Variants in PNPLA7 observed in about 807,000 individuals in gnomAD.
The protein encoded by PNPLA7 is patatin like domain 7, lysophospholipase.
In PNPLA7, 153 loss-of-function variants were observed where a neutral mutation model predicts 161.7. The ratio of observed to expected loss-of-function variants is 0.95; its 90% CI spans 0.83 to 1.08. The LOEUF (loss-of-function observed/expected upper bound fraction) is 1.08, where lower values mean the gene tolerates loss of function less well. Among genes scored for constraint, PNPLA7 ranks in the 50% least tolerant of loss-of-function variants. The pLI, the probability that PNPLA7 is intolerant of heterozygous loss-of-function variation, is 0.00. For synonymous variants in PNPLA7, 809 were observed against 782.1 expected (o/e 1.03, Z -0.57); for missense variants, 1,739 against 1,856.6 (o/e 0.94, Z 1.16).
chr9:137,478,021 CG>C lies in PNPLA7; in HGVS notation c.2882+12del. ...ACACCAGTGAGGAGTGTGTAGGAAG[CG>C]GGGGGACTCACCTTGCTCCCCCTCC... is the stretch of plus-strand genomic sequence containing the variant. On this transcript the variant is annotated intron_variant, in intron 25 of 34. Transcript: ENST00000406427. 7.8e-6 allele frequency: 11 copies of C among 1,410,798 alleles called. No homozygotes were observed. The highest frequency in any genetic ancestry group is 3.3e-5 in the South Asian group (2 of 60,530). 87.4% of individuals were successfully genotyped at this position (1,410,798 alleles called of 1,614,324 possible). A position where few individuals can be genotyped will look rare whatever the true frequency, so the allele number is the denominator to read the frequency against.
At chr9:137,509,971 AAC>A (rs1016607046) in intron 12 of PNPLA7, among the ~76,000 whole-genome samples, 1 of 152,214 alleles carries the variant, frequency 6.6e-6, no homozygotes, top group Non-Finnish European at 1.5e-5. Flanking sequence ...ACCTAGGAAA[AAC>A]CAGGCCATAC....
intron 25 of PNPLA7, among the ~76,000 whole-genome samples, chr9:137,469,944 C>T (rs1429856481): frequency 6.6e-6 from 1 of 152,138 alleles, no homozygotes; most frequent in East Asian, 1.9e-4. Flanking sequence ...TTAGAAAAAC[C>T]TAACTCACCA....
chr9:137,543,532 TGGGCTGCA>T lies in PNPLA7; in HGVS notation c.398_405del (p.Leu133GlnfsTer16), dbSNP rs779371295. On this transcript the variant is annotated frameshift_variant, in exon 6 of 35. Coordinates refer to ENST00000406427, the MANE Select transcript of PNPLA7 (RefSeq NM_001098537.3). LOFTEE classifies it high-confidence loss of function. The surrounding 1 kb of genome is among the most constrained non-coding windows in gnomAD (Gnocchi z 6.9). ...TCCAGCAGGGAGGGCGGGGGCTCCT[TGGGCTGCA>T]GGGCCGGGTATTCCTTCTTGAAACG... 5.0e-6 allele frequency: 8 copies of T among 1,613,848 alleles called. No individual in the cohort carries two copies. Among genetic ancestry groups the T allele is most frequent in the Non-Finnish European group, 6.8e-6 (8 of 1,179,914 alleles).
rs564474027 is a variant in PNPLA7 at position 137,497,126 on chromosome 9, C to G, written c.2013+61G>C. 7.3e-5 allele frequency: 104 copies of G among 1,430,220 alleles called. No homozygotes were observed. In the South Asian group the frequency reaches 1.4e-3, roughly 19 times the overall value. 88.6% of individuals were successfully genotyped at this position (1,430,220 alleles called of 1,614,324 possible). A position where few individuals can be genotyped will look rare whatever the true frequency, so the allele number is the denominator to read the frequency against. Reference sequence around the variant, plus strand: ...TGGCCAGGCCACACCCAGGCCAGAACCCAGGATGCTCTGGGAGGGATGCAG... The same window carrying G: ...TGGCCAGGCCACACCCAGGCCAGAAGCCAGGATGCTCTGGGAGGGATGCAG... On this transcript the variant is annotated intron_variant, in intron 18 of 34. Coordinates refer to ENST00000406427, the MANE Select transcript of PNPLA7 (RefSeq NM_001098537.3).
intron 12 of PNPLA7, among the ~76,000 whole-genome samples, chr9:137,514,329 C>T (rs533570719): frequency 4.3e-4 from 58 of 135,436 alleles, no homozygotes; most frequent in Non-Finnish European, 7.1e-4. Context: ...TTGAGGTGCC[C>T]GGGCCCCGTG....
At position 137,501,640 on chromosome 9, in the gene PNPLA7, C is replaced by T; in HGVS notation, c.1551+10G>A. ...GTGGTCCCAGTGCCCCCCCCCAGAC[C>T]CCCGCTCACCTGGTCTCCCTGCCTT... On this transcript the variant is annotated intron_variant, in intron 15 of 34. Transcript: ENST00000406427. 1 of 1,611,308 alleles carries T rather than the reference C, an allele frequency of 6.2e-7. No individual in the cohort carries two copies. The highest frequency in any genetic ancestry group is 8.5e-7 in the Non-Finnish European group (1 of 1,179,348).
intron 12 of PNPLA7, among the ~76,000 whole-genome samples, chr9:137,510,855 C>G (rs536106856): frequency 6.6e-6 from 1 of 152,208 alleles, no homozygotes; most frequent in Non-Finnish European, 1.5e-5. Context: ...ACTGAAGGCA[C>G]AAGCTGTTCC....
intron 14 of PNPLA7, among the ~76,000 whole-genome samples, chr9:137,502,388 C>G (rs1833484859): frequency 6.6e-6 from 1 of 151,852 alleles, no homozygotes. Context: ...AACCATTAAA[C>G]TTCCCAAACC....
rs887724632 is a variant in PNPLA7 at position 137,500,370 on chromosome 9, A to G, written c.1757+321T>C. Among the ~76,000 whole-genome samples the G allele has an allele frequency of 3.9e-5, 6 of 152,214 alleles. No individual in the cohort carries two copies. The highest frequency in any genetic ancestry group is 1.2e-4 in the African/African-American group (5 of 41,462). On this transcript the variant is annotated intron_variant, in intron 16 of 34. Transcript: ENST00000406427. The surrounding 1 kb of genome is among the most constrained non-coding windows in gnomAD (Gnocchi z 5.5). Reference sequence around the variant, plus strand: ...CCCCAACGTGGGCCTTGCTGAGCCAAGCTGGGGAGCCCCAGAACTGACCAG... The same window carrying G: ...CCCCAACGTGGGCCTTGCTGAGCCAGGCTGGGGAGCCCCAGAACTGACCAG...
At position 137,519,905 on chromosome 9, in the gene PNPLA7, G is replaced by A. The variant is rs1272732440; in HGVS notation, c.1084+12C>T. On this transcript the variant is annotated intron_variant, in intron 11 of 34. Transcript: ENST00000406427. ...GGGGCTGGACATTGCCCTCCTTGGT[G>A]CAGGACAGTACCTGAGTCACAGGAC... 1 of 1,610,362 alleles carries A rather than the reference G, an allele frequency of 6.2e-7. No individual in the cohort carries two copies. The highest frequency in any genetic ancestry group is 1.7e-5 in the Admixed American group (1 of 59,788).
rs780160769 is a variant in PNPLA7 at position 137,547,279 on chromosome 9, C to G, written c.193+30G>C. 2 of 1,607,304 alleles carry G rather than the reference C, an allele frequency of 1.2e-6. No homozygotes were observed. The highest frequency in any genetic ancestry group is 1.7e-5 in the Admixed American group (1 of 60,010). Reference sequence around the variant, plus strand: ...GACACCCACGCTTTCCCCCAACCCCCCGGGCCAGAGTCGGAACCAAGATAC... The same window carrying G: ...GACACCCACGCTTTCCCCCAACCCCGCGGGCCAGAGTCGGAACCAAGATAC... On this transcript the variant is annotated intron_variant, in intron 3 of 34. Coordinates refer to ENST00000406427, the MANE Select transcript of PNPLA7 (RefSeq NM_001098537.3). The surrounding 1 kb of genome is among the most constrained non-coding windows in gnomAD (Gnocchi z 4.6).
At chr9:137,466,957 C>T (rs566898223) in intron 26 of PNPLA7, among the ~76,000 whole-genome samples, 38 of 150,002 alleles carry the variant, frequency 2.5e-4, no homozygotes, top group Middle Eastern at 3.5e-3. Flanking sequence ...GACCCGGGCA[C>T]GGATCAGACC....
rs538641773 is a variant in PNPLA7 at position 137,519,817 on chromosome 9, T to C, written c.1084+100A>G. The C allele has an allele frequency of 2.0e-6, 3 of 1,480,926 alleles. No individual in the cohort carries two copies. In the East Asian group the frequency reaches 7.0e-5, roughly 35 times the overall value. 91.7% of individuals were successfully genotyped at this position (1,480,926 alleles called of 1,614,324 possible). Reference sequence around the variant, plus strand: ...TGACCCGGGGATGTGTGTGGTGGCCTCAGGCATGTGCAAGATGACCTGGGG... The same window carrying C: ...TGACCCGGGGATGTGTGTGGTGGCCCCAGGCATGTGCAAGATGACCTGGGG... On this transcript the variant is annotated intron_variant, in intron 11 of 34. Coordinates refer to ENST00000406427, the MANE Select transcript of PNPLA7 (RefSeq NM_001098537.3).
intron 8 of PNPLA7, among the ~76,000 whole-genome samples, chr9:137,539,420 C>T (rs1264095938): frequency 2.0e-5 from 3 of 152,228 alleles, no homozygotes; most frequent in South Asian, 4.1e-4. Flanking sequence ...GCCTGTAATC[C>T]CAGCATTTTG....
At chr9:137,548,475 C>T (rs780784663) in intron 1 of PNPLA7, among the ~76,000 whole-genome samples, 19 of 152,198 alleles carry the variant, frequency 1.2e-4, no homozygotes, top group East Asian at 3.9e-4. Context: ...AAGGGCCGGG[C>T]GCAGTGGCTC....
Position 137,540,282 on chromosome 9 carries a change from C to T in PNPLA7, c.747+360G>A, listed in dbSNP as rs917900297. On this transcript the variant is annotated intron_variant, in intron 8 of 34. Transcript: ENST00000406427. The surrounding 1 kb of genome is among the most constrained non-coding windows in gnomAD (Gnocchi z 5.1). ...AGAGCCCAGCAGGACCTGCAGGAAA[C>T]GGGGGTGGCTGGTCCCTCGGGAGGG... 1.1e-4 allele frequency among the ~76,000 whole-genome samples: 16 copies of T among 152,200 alleles called. No homozygotes were observed. Among genetic ancestry groups the T allele is most frequent in the African/African-American group, 1.9e-4 (8 of 41,450 alleles).
rs148205619 is a variant in PNPLA7 at position 137,477,151 on chromosome 9, G to A, written c.2882+883C>T. The stretch of plus-strand genomic sequence containing the variant: ...TTTGGGGGCAGCGGTAGGAGGCTCC[G>A]CCCTGCCCCTTACGCACCTGGCTCA... On this transcript the variant is annotated intron_variant, in intron 25 of 34. Coordinates refer to ENST00000406427, the MANE Select transcript of PNPLA7 (RefSeq NM_001098537.3). Among the ~76,000 whole-genome samples, 547 of 152,334 alleles carry A rather than the reference G, an allele frequency of 3.6e-3. 5 individuals are homozygous for A. The highest frequency in any genetic ancestry group is 0.013 in the African/African-American group (527 of 41,588).
intron 20 of PNPLA7, among the ~76,000 whole-genome samples, chr9:137,491,161 A>ATG (rs1832742503): frequency 1.3e-5 from 2 of 150,480 alleles, no homozygotes; most frequent in Admixed American, 1.3e-4. Context: ...CAGGAGGCTG[A>ATG]GGGGGGGGGA....
In PNPLA7 at chr9:137,515,472, TC is replaced by T. The variant is rs770543089; in HGVS notation, c.1131del (p.Ser378AlafsTer70). 20 of 1,584,080 alleles carry T rather than the reference TC, an allele frequency of 1.3e-5. No homozygotes were observed. The highest frequency in any genetic ancestry group is 1.7e-5 in the Non-Finnish European group (20 of 1,167,176). ...RPAAAGPLLK[R>X]SHSVPAPSIR... is the part of the protein sequence containing the mutation. The stretch of plus-strand genomic sequence containing the variant: ...ATGGAAGGCGCGGGGACGGAGTGGC[TC>T]CTCTTCAGCAGGGGCCCAGCAGCTG... On this transcript the variant is annotated frameshift_variant, in exon 12 of 35. Transcript: ENST00000406427. LOFTEE classifies it high-confidence loss of function.
Sources: gnomAD v4.1 joint callset for allele counts (sites outside exome capture counted in the v4.1 genomes callset) on GRCh38, gnomAD v4.1.1 for gene constraint, Gnocchi (gnomAD v3.1) non-coding constraint, MANE v1.5 for transcripts, NCBI Gene and HGNC (gene_info 2026-07-23, HGNC 2026-07-21) for gene names.